The following CUL4A variants were observed in gnomAD, a reference collection of about 807,000 sequenced individuals.
CUL4A encodes cullin-4A.
CUL4A carries 16 observed loss-of-function variants against 95.5 expected under a neutral mutation model. The ratio of observed to expected loss-of-function variants is 0.17; its 90% CI spans 0.11 to 0.25. CUL4A has a LOEUF of 0.25. CUL4A is among the 10% of genes least tolerant of loss of function. CUL4A has a pLI of 1.00. For missense variants in CUL4A, 610 were observed against 937.0 expected (o/e 0.65, Z 4.56); for synonymous variants, 380 against 353.1 (o/e 1.08, Z -0.85).
intron 10 of CUL4A, 29 bp downstream of exon 10, chr13:113,239,580 G>A (rs771403096): frequency 3.4e-5 from 53 of 1,545,922 alleles, no homozygotes; most frequent in Admixed American, 7.0e-5. Context: ...GGCCGCGGGC[G>A]TGGGCATTCC....
chr13:113,229,088 C>T (rs766704124), intron 4 of CUL4A, among the ~76,000 whole-genome samples: 1 of 152,108 alleles, frequency 6.6e-6, no homozygotes, highest in Non-Finnish European at 1.5e-5. Flanking sequence ...CACCGCACTC[C>T]AGCCTGGGCG....
At chr13:113,236,368 G>A (rs2041544017) in intron 8 of CUL4A, among the ~76,000 whole-genome samples, 2 of 152,190 alleles carry the variant, frequency 1.3e-5, no homozygotes, top group Non-Finnish European at 2.9e-5. Flanking sequence ...AGTGGAGAGA[G>A]CGGCAGCCAC....
chr13:113,236,798 C>A, intron 8 of CUL4A, 25 bp from the exon 9 acceptor site: 1 of 1,531,992 alleles, frequency 6.5e-7, no homozygotes, highest in Non-Finnish European at 9.0e-7. Flanking sequence ...TTACTTCTAA[C>A]GCTTATTCTT....
chr13:113,214,648 C>T (rs1031962870), intron 2 of CUL4A, among the ~76,000 whole-genome samples: 14 of 152,118 alleles, frequency 9.2e-5, no homozygotes, highest in African/African-American at 2.9e-4. Flanking sequence ...CCATTGCACC[C>T]GGCTGACATG....
intron 18 of CUL4A, among the ~76,000 whole-genome samples, chr13:113,255,580 G>A (rs924125478): frequency 1.6e-4 from 25 of 152,038 alleles, no homozygotes; most frequent in Admixed American, 1.4e-3. Context: ...GTCTCCCTCC[G>A]AGCCCCTGGC....
intron 5 of CUL4A, among the ~76,000 whole-genome samples, chr13:113,232,004 T>C (rs2041331504): frequency 9.4e-6 from 1 of 106,494 alleles, no homozygotes; most frequent in Non-Finnish European, 2.2e-5. Context: ...CTACCACTGT[T>C]ACTACTGCCA....
At chr13:113,213,744 T>C (rs1248971356) in intron 2 of CUL4A, among the ~76,000 whole-genome samples, 6 of 152,206 alleles carry the variant, frequency 3.9e-5, no homozygotes, top group Admixed American at 2.0e-4. Context: ...CTAGGAGTGC[T>C]TACCCCAAAA....
chr13:113,210,118 G>T (rs2040326142), intron 2 of CUL4A, 30 bp downstream of exon 2: 1 of 1,389,522 alleles, frequency 7.2e-7, no homozygotes, highest in East Asian at 3.1e-5. Flanking sequence ...TGGGGACGCC[G>T]CTCCTGCCCC....
At chr13:113,233,043 T>C (rs2041412538) in intron 5 of CUL4A, 134 bp from the exon 6 acceptor site, 2 of 928,732 alleles carry the variant, frequency 2.2e-6, no homozygotes, top group Admixed American at 5.9e-5. Context: ...TTAAAAGGAA[T>C]TCTTGGCACC....
intron 18 of CUL4A, 38 bp from the exon 19 acceptor site, chr13:113,260,567 TAC>T (rs1463672248): frequency 6.4e-7 from 1 of 1,556,564 alleles, no homozygotes; most frequent in African/African-American, 1.4e-5. Flanking sequence ...AAAAAGAAAA[TAC>T]AGTTTTACAC....
At chr13:113,210,968 GCTT>G (rs2139065987) in intron 2 of CUL4A, among the ~76,000 whole-genome samples, 1 of 152,312 alleles carries the variant, frequency 6.6e-6, no homozygotes, top group African/African-American at 2.4e-5. Context: ...TTTCTTACCA[GCTT>G]TGAGATAGAG....
At chr13:113,260,148 G>A (rs1406333276) in intron 18 of CUL4A, among the ~76,000 whole-genome samples, 1 of 128,816 alleles carries the variant, frequency 7.8e-6, no homozygotes, top group Non-Finnish European at 1.6e-5. Context: ...AGCTTGTAGT[G>A]AGCCGAGATC....
intron 10 of CUL4A, 115 bp from the exon 11 acceptor site, chr13:113,242,849 TTGAG>T (rs1207861414): frequency 3.9e-5 from 28 of 723,236 alleles, no homozygotes; most frequent in African/African-American, 9.0e-5. Context: ...TTTAAAGTTA[TTGAG>T]TATTTACTAC....
chr13:113,209,551 G>A, upstream of CUL4A: 1 of 868,016 alleles, frequency 1.2e-6, no homozygotes, highest in Admixed American at 6.4e-5. Context: ...GGCGGAGGCC[G>A]CGCGGACCGG....
chr13:113,226,127 C>G (rs1384352852), intron 3 of CUL4A, among the ~76,000 whole-genome samples: 2 of 152,024 alleles, frequency 1.3e-5, no homozygotes, highest in Non-Finnish European at 2.9e-5. Flanking sequence ...CTCCCTGGCA[C>G]TCTTTCTTTG....
Position 113,215,285 on chromosome 13 carries a change from C to T in CUL4A, c.265-3660C>T, listed in dbSNP as rs185383502. 1.8e-3 allele frequency among the ~76,000 whole-genome samples: 253 copies of T among 141,286 alleles called. 1 individual carries two copies. The highest frequency in any genetic ancestry group is 0.01 in the Middle Eastern group (2 of 200). 92.7% of individuals were successfully genotyped at this position (141,286 alleles called of 152,430 possible). ...GAGGTTGCTGTGTGACTATGGAGGT[C>T]GCTATGTGACTATGGAGGTCGCTGT... is the stretch of plus-strand genomic sequence containing the variant. On this transcript the variant is annotated intron_variant, in intron 2 of 19. Coordinates refer to ENST00000375440, the MANE Select transcript of CUL4A (RefSeq NM_001008895.4).
intron 4 of CUL4A, 60 bp from the exon 5 acceptor site, chr13:113,229,386 G>A (rs2041227704): frequency 1.4e-6 from 2 of 1,444,342 alleles, no homozygotes; most frequent in Non-Finnish European, 1.9e-6. Flanking sequence ...TAAAAGGCCT[G>A]ATCTTTCATA....
At chr13:113,260,880 A>G (rs61967893) in intron 19 of CUL4A, 121 bp downstream of exon 19, 100,758 of 766,256 alleles carry the variant, frequency 0.13, 8,174 homozygotes, top group South Asian at 0.25. Context: ...TTGTGTATAC[A>G]CTGAATGTAG....
At chr13:113,239,308 G>A (rs2041636890) in intron 9 of CUL4A, 125 bp from the exon 10 acceptor site, 21 of 796,356 alleles carry the variant, frequency 2.6e-5, no homozygotes, top group South Asian at 1.4e-4. Flanking sequence ...TAGAGGCAGC[G>A]ATGTGGAGAC....
Sources: allele counts gnomAD v4.1 joint callset (sites outside exome capture counted in the v4.1 genomes callset), GRCh38; gene constraint gnomAD v4.1.1; transcripts MANE v1.5; gene names NCBI Gene and HGNC (gene_info 2026-07-23, HGNC 2026-07-21).